FGF14: variants seen among roughly 807,000 people sequenced by gnomAD.
The protein encoded by FGF14 is fibroblast growth factor 14, also known as fibroblast growth factor homologous factor 4.
Under a neutral mutation model 25.5 loss-of-function variants are expected in FGF14, and 5 were observed. That is an observed-to-expected ratio of 0.20 (90% CI 0.10 to 0.41). The LOEUF (loss-of-function observed/expected upper bound fraction) is 0.41. Among genes scored for constraint, FGF14 ranks in the 10% least tolerant of loss-of-function variants. The pLI is 1.00. For missense variants in FGF14, 222 were observed against 320.1 expected, an observed-to-expected ratio of 0.69 and a Z score of 2.34; for synonymous variants, 138 against 118.3, an observed-to-expected ratio of 1.17 and a Z score of -1.08.
At chr13:101,768,748 G>A (rs2038567553) in intron 3 of FGF14, among the ~76,000 whole-genome samples, 1 of 152,108 alleles carries the variant, frequency 6.6e-6, no homozygotes. Flanking sequence ...ACGGTACTGG[G>A]ACAACTGGAA....
At chr13:102,341,063 G>A (rs1422811629) in intron 1 of FGF14, among the ~76,000 whole-genome samples, 2 of 152,108 alleles carry the variant, frequency 1.3e-5, no homozygotes, top group Non-Finnish European at 2.9e-5. Flanking sequence ...AGGAGGAGGT[G>A]CCACTTTCAC....
At chr13:102,386,988 A>G (rs1464206918) in intron 1 of FGF14, among the ~76,000 whole-genome samples, 3 of 152,190 alleles carry the variant, frequency 2.0e-5, no homozygotes, top group Non-Finnish European at 4.4e-5. Context: ...TATGTCTACT[A>G]CTGCTATCAC....
At chr13:102,096,513 C>G (rs9513980) in intron 1 of FGF14, among the ~76,000 whole-genome samples, 6,160 of 151,996 alleles carry the variant, frequency 0.041, 171 homozygotes, top group Non-Finnish European at 0.062. Flanking sequence ...TCACTGAAAA[C>G]TTAATATGCG....
At chr13:101,943,620 C>T (rs2035590138) in intron 1 of FGF14, among the ~76,000 whole-genome samples, 1 of 152,046 alleles carries the variant, frequency 6.6e-6, no homozygotes, top group South Asian at 2.1e-4. Context: ...CTGCCACTTA[C>T]CCGCTGCATG....
chr13:102,374,684 A>ATG (rs2057993215), intron 1 of FGF14, among the ~76,000 whole-genome samples: 1 of 108,576 alleles, frequency 9.2e-6, no homozygotes, highest in African/African-American at 3.3e-5. Context: ...ATATATATAT[A>ATG]TATATATATA....
chr13:102,200,624 T>TTTA (rs2049574815), intron 1 of FGF14, among the ~76,000 whole-genome samples: 1 of 151,952 alleles, frequency 6.6e-6, no homozygotes. Context: ...TGATTGTTTT[T>TTTA]TTTTTTTTTC....
At chr13:101,846,338 A>G (rs895662575) in intron 3 of FGF14, among the ~76,000 whole-genome samples, 4 of 152,026 alleles carry the variant, frequency 2.6e-5, no homozygotes, top group Non-Finnish European at 4.4e-5. Context: ...GCCTTTATGA[A>G]ACTCAGAAAA....
At chr13:102,274,309 G>A (rs879915689) in intron 1 of FGF14, among the ~76,000 whole-genome samples, 1 of 152,184 alleles carries the variant, frequency 6.6e-6, no homozygotes, top group African/African-American at 2.4e-5. Flanking sequence ...ATACCTCTGA[G>A]TGTCGGAAAG....
chr13:101,968,804 CTT>C (rs1175590661), intron 1 of FGF14, among the ~76,000 whole-genome samples: 3 of 149,576 alleles, frequency 2.0e-5, no homozygotes, highest in Non-Finnish European at 4.4e-5. Context: ...CCCCACAACT[CTT>C]TTAACTCACT....
In FGF14 at chr13:102,203,790, A is replaced by G. The variant is rs554176367; in HGVS notation, c.208+197681T>C. ...TCTTCCAATTAACACAGGTTTTGAC[A>G]CCAATTTGCATTAGGACAAATACAA... is the stretch of plus-strand genomic sequence containing the variant. On this transcript the variant is annotated intron_variant, in intron 1 of 4. Transcript: ENST00000376131. Among the ~76,000 whole-genome samples, 114 of 152,348 alleles carry G rather than the reference A, an allele frequency of 7.5e-4. 1 individual carries two copies. Among genetic ancestry groups the G allele is most frequent in the African/African-American group, 2.5e-3 (103 of 41,572 alleles).
chr13:101,963,147 A>G (rs915720853), intron 1 of FGF14, among the ~76,000 whole-genome samples: 1 of 152,196 alleles, frequency 6.6e-6, no homozygotes, highest in Admixed American at 6.5e-5. Context: ...TTTTAATCCA[A>G]ATACTTAAGG....
chr13:101,945,633 G>A (rs55948853), intron 1 of FGF14, among the ~76,000 whole-genome samples: 4,553 of 152,210 alleles, frequency 0.03, 203 homozygotes, highest in African/African-American at 0.1. Context: ...TACAAACACT[G>A]CCTCAGCAGC....
intron 1 of FGF14, among the ~76,000 whole-genome samples, chr13:101,986,565 C>T (rs1177909735): frequency 5.9e-5 from 9 of 152,014 alleles, no homozygotes; most frequent in Non-Finnish European, 1.0e-4. Flanking sequence ...GTCAAAGTTG[C>T]GTAGGTCTTG....
At chr13:101,774,198 A>T (rs975795054) in intron 3 of FGF14, among the ~76,000 whole-genome samples, 1 of 152,144 alleles carries the variant, frequency 6.6e-6, no homozygotes, top group African/African-American at 2.4e-5. Context: ...GTCTCCAAAT[A>T]TTTGAAGAAC....
At chr13:101,888,289 T>C (rs951156631) in intron 1 of FGF14, among the ~76,000 whole-genome samples, 4 of 152,172 alleles carry the variant, frequency 2.6e-5, no homozygotes, top group African/African-American at 4.8e-5. Flanking sequence ...AACCTATTCT[T>C]CACTCAATAG....
At chr13:102,283,563 C>T (rs1013118169) in intron 1 of FGF14, among the ~76,000 whole-genome samples, 1 of 152,128 alleles carries the variant, frequency 6.6e-6, no homozygotes, top group African/African-American at 2.4e-5. Context: ...TTTTATTTCA[C>T]CATTTCTTCA....
chr13:101,776,418 A>T (rs1028363166), intron 3 of FGF14, among the ~76,000 whole-genome samples: 2 of 152,150 alleles, frequency 1.3e-5, no homozygotes, highest in Admixed American at 1.3e-4. Context: ...TAATCATCAG[A>T]CTGTATTTTC....
rs571558416 is a variant in FGF14 at position 102,386,588 on chromosome 13, C to T, written c.208+14883G>A. 1.8e-4 allele frequency among the ~76,000 whole-genome samples: 28 copies of T among 152,300 alleles called. No individual in the cohort carries two copies. In the South Asian group the frequency reaches 5.8e-3, roughly 32 times the overall value. On this transcript the variant is annotated intron_variant, in intron 1 of 4. Coordinates refer to the FGF14 transcript ENST00000376131. ...TCAAGATACGCTGACATAATGCCTC[C>T]TTCTGCTTTCAATAACAAAAGCGAG...
intron 1 of FGF14, among the ~76,000 whole-genome samples, chr13:102,357,123 GT>G (rs5806298): frequency 6.9e-6 from 1 of 144,776 alleles, no homozygotes. Context: ...CCATTATAAT[GT>G]TTTTTTTTTT....
Sources: gnomAD v4.1 joint callset for allele counts (sites outside exome capture counted in the v4.1 genomes callset) on GRCh38, gnomAD v4.1.1 for gene constraint, MANE v1.5 for transcripts, NCBI Gene and HGNC (gene_info 2026-07-23, HGNC 2026-07-21) for gene names.